The following SUGCT variants were observed in gnomAD, a reference collection of about 807,000 sequenced individuals.
SUGCT encodes the protein succinyl-CoA:glutarate-CoA transferase.
Under a neutral mutation model 55.0 loss-of-function variants are expected in SUGCT, and 41 were observed. That is an observed-to-expected ratio of 0.74 (90% CI 0.58 to 0.97). The LOEUF is 0.97. Ranked by LOEUF, SUGCT falls within the 50% of genes least tolerant of loss-of-function variation. The probability of loss-of-function intolerance (pLI) is 0.00; values close to 1 mark genes in which losing one functional copy is unlikely to be tolerated. For synonymous variants in SUGCT, 187 were observed against 200.4 expected (o/e 0.93, Z 0.56); for missense variants, 568 against 547.8 (o/e 1.04, Z -0.37).
the SUGCT span, among the ~76,000 whole-genome samples, chr7:41,003,206 T>C: frequency 6.6e-6 from 1 of 152,166 alleles, no homozygotes; most frequent in Admixed American, 6.5e-5. Context: ...TTATGATTGC[T>C]GAGAACTGTG....
chr7:40,873,005 C>T, the SUGCT span, among the ~76,000 whole-genome samples: 1 of 152,110 alleles, frequency 6.6e-6, no homozygotes, highest in Non-Finnish European at 1.5e-5. Context: ...CAGCGGAACC[C>T]GGCTGATCCC....
At chr7:40,205,070 A>C (rs968384888) in intron 6 of SUGCT, among the ~76,000 whole-genome samples, 1 of 151,968 alleles carries the variant, frequency 6.6e-6, no homozygotes, top group Non-Finnish European at 1.5e-5. Flanking sequence ...CCTGGCCAAC[A>C]TGGCGAAACC....
chr7:40,256,221 A>C (rs1475359292), intron 7 of SUGCT, among the ~76,000 whole-genome samples: 2 of 152,138 alleles, frequency 1.3e-5, no homozygotes, highest in East Asian at 1.9e-4. Context: ...TTTTCCCCTG[A>C]CATTTTTGGG....
At chr7:40,854,746 G>A (rs1291347747) in intron 13 of SUGCT, among the ~76,000 whole-genome samples, 2 of 151,896 alleles carry the variant, frequency 1.3e-5, no homozygotes. Flanking sequence ...AGACCAGCCT[G>A]GGCAACATAG....
At chr7:40,201,819 T>A (rs1786619194) in intron 6 of SUGCT, among the ~76,000 whole-genome samples, 2 of 152,056 alleles carry the variant, frequency 1.3e-5, no homozygotes, top group Non-Finnish European at 2.9e-5. Context: ...CATACACATA[T>A]AACAGATGTG....
chr7:40,219,513 G>T (rs1787903018), intron 6 of SUGCT, among the ~76,000 whole-genome samples: 1 of 152,152 alleles, frequency 6.6e-6, no homozygotes, highest in African/African-American at 2.4e-5. Flanking sequence ...ATGAAGGGGG[G>T]AGAAAGTGTT....
At chr7:40,978,419 C>A in the SUGCT span, among the ~76,000 whole-genome samples, 1 of 152,150 alleles carries the variant, frequency 6.6e-6, no homozygotes, top group East Asian at 1.9e-4. Flanking sequence ...CAAACACTGA[C>A]TGAACACCTA....
intron 12 of SUGCT, among the ~76,000 whole-genome samples, chr7:40,518,321 A>G (rs149724186): frequency 5.9e-5 from 9 of 152,268 alleles, no homozygotes; most frequent in African/African-American, 9.6e-5. Flanking sequence ...ATGTCTTCCA[A>G]TTGGTAAATT....
chr7:40,568,007 A>T (rs1416355239), intron 12 of SUGCT, among the ~76,000 whole-genome samples: 4 of 152,222 alleles, frequency 2.6e-5, no homozygotes, highest in Non-Finnish European at 5.9e-5. Flanking sequence ...CTTCAAATGA[A>T]TGATTCCATT....
At chr7:40,235,828 A>G (rs888711249) in intron 6 of SUGCT, among the ~76,000 whole-genome samples, 1 of 152,208 alleles carries the variant, frequency 6.6e-6, no homozygotes. Context: ...CTGTGGCAAC[A>G]TATATAATGA....
At chr7:40,423,548 T>TA (rs1162865298) in intron 9 of SUGCT, among the ~76,000 whole-genome samples, 1 of 152,038 alleles carries the variant, frequency 6.6e-6, no homozygotes, top group Non-Finnish European at 1.5e-5. Context: ...TCTTTTCACT[T>TA]AAAAAAAATT....
At chr7:40,475,045 CTATGTGCCACG>C (rs1184775528) in intron 11 of SUGCT, among the ~76,000 whole-genome samples, 1 of 152,170 alleles carries the variant, frequency 6.6e-6, no homozygotes, top group Non-Finnish European at 1.5e-5. Flanking sequence ...TTTTTGGAAG[CTATGTGCCACG>C]TTGACTTGCA....
At chr7:40,613,513 C>G (rs1798858024) in intron 12 of SUGCT, among the ~76,000 whole-genome samples, 1 of 152,158 alleles carries the variant, frequency 6.6e-6, no homozygotes, top group Admixed American at 6.6e-5. Context: ...TTTTCCTCAT[C>G]AGAATTCTTT....
chr7:40,850,668 A>G (rs1793805041), intron 13 of SUGCT, among the ~76,000 whole-genome samples: 1 of 152,286 alleles, frequency 6.6e-6, no homozygotes, highest in East Asian at 1.9e-4. Context: ...AGCAAAATAA[A>G]TATTTGAAAA....
chr7:40,758,024 A>G (rs939690150), intron 13 of SUGCT, among the ~76,000 whole-genome samples: 2 of 152,216 alleles, frequency 1.3e-5, no homozygotes, highest in East Asian at 1.9e-4. Flanking sequence ...GCTAAATACA[A>G]AAGTTTTAAA....
intron 9 of SUGCT, among the ~76,000 whole-genome samples, chr7:40,400,027 G>A (rs184551985): frequency 6.6e-6 from 1 of 152,116 alleles, no homozygotes; most frequent in Non-Finnish European, 1.5e-5. Flanking sequence ...CCAGTCTGGT[G>A]ACAGAGCAAG....
At chr7:40,321,059 CTTTT>C (rs200020623) in intron 9 of SUGCT, among the ~76,000 whole-genome samples, 1 of 140,642 alleles carries the variant, frequency 7.1e-6, no homozygotes, top group Admixed American at 7.0e-5. Flanking sequence ...TTTTTCTTTT[CTTTT>C]TTCTTTCTTT....
chr7:40,411,198 A>G (rs1237288003), intron 9 of SUGCT, among the ~76,000 whole-genome samples: 2 of 152,070 alleles, frequency 1.3e-5, no homozygotes, highest in East Asian at 1.9e-4. Context: ...TTCAAGACCA[A>G]CCTGGCCAAC....
At chr7:40,856,278 T>G (rs1345661552) in intron 13 of SUGCT, among the ~76,000 whole-genome samples, 3 of 152,186 alleles carry the variant, frequency 2.0e-5, no homozygotes, top group Non-Finnish European at 1.5e-5. Flanking sequence ...TTGTTTAATT[T>G]TTATACTTTT....
Sources: allele counts gnomAD v4.1 joint callset (sites outside exome capture counted in the v4.1 genomes callset), GRCh38; gene constraint gnomAD v4.1.1; transcripts MANE v1.5; gene names NCBI Gene and HGNC (gene_info 2026-07-23, HGNC 2026-07-21).